Variants in HS3ST3B1 observed in about 807,000 individuals in gnomAD.
HS3ST3B1 encodes the protein heparan sulfate-glucosamine 3-sulfotransferase 3B1.
Under a neutral mutation model 21.3 loss-of-function variants are expected in HS3ST3B1, and 13 were observed. The ratio of observed to expected loss-of-function variants is 0.61; its 90% CI spans 0.40 to 0.97. The LOEUF (loss-of-function observed/expected upper bound fraction) is 0.97. HS3ST3B1 is among the 50% of genes least tolerant of loss of function. The pLI is 0.00. For synonymous variants in HS3ST3B1, 234 were observed against 254.8 expected (o/e 0.92, Z 0.78); for missense variants, 459 against 554.8 (o/e 0.83, Z 1.73).
At chr17:14,316,048 G>T (rs1555548476) in intron 1 of HS3ST3B1, among the ~76,000 whole-genome samples, 1 of 152,096 alleles carries the variant, frequency 6.6e-6, no homozygotes, top group Non-Finnish European at 1.5e-5. Context: ...GCCAGCTTGG[G>T]CCATATTCGC....
intron 1 of HS3ST3B1, among the ~76,000 whole-genome samples, chr17:14,311,772 T>C (rs1597588216): frequency 6.6e-6 from 1 of 152,156 alleles, no homozygotes; most frequent in African/African-American, 2.4e-5. Context: ...CTGTTTTAGT[T>C]GGTGGCTTGT....
At chr17:14,325,237 C>CT (rs1909772957) in intron 1 of HS3ST3B1, among the ~76,000 whole-genome samples, 1 of 152,144 alleles carries the variant, frequency 6.6e-6, no homozygotes, top group African/African-American at 2.4e-5. Flanking sequence ...TTAATCCAGC[C>CT]TTTTTGTTAA....
At position 14,301,590 on chromosome 17, in the gene HS3ST3B1, G is replaced by A. The variant is rs756823202; in HGVS notation, c.72G>A (p.Pro24=). The A allele has an allele frequency of 5.0e-6, 8 of 1,601,006 alleles. No individual in the cohort carries two copies. The East Asian group carries it at 1.6e-4, about 31-fold the overall frequency. ...VPGRLLPQPP[P]PPPPVRRKLA... is the part of the protein sequence containing the mutation. Reference sequence around the variant, plus strand: ...GCCGGCTCCTACCGCAGCCGCCGCCGCCCCCGCCGCCGGTGAGGAGGAAGC... The same window carrying A: ...GCCGGCTCCTACCGCAGCCGCCGCCACCCCCGCCGCCGGTGAGGAGGAAGC... Residue 24 remains proline (P), a synonymous_variant, in exon 1 of 2, where the codon CCG becomes CCA. Transcript: ENST00000360954.
intron 1 of HS3ST3B1, among the ~76,000 whole-genome samples, chr17:14,311,456 T>C (rs775868699): frequency 1.7e-4 from 26 of 152,146 alleles, no homozygotes; most frequent in Non-Finnish European, 3.2e-4. Flanking sequence ...TACCCATCAG[T>C]CCTACACATG....
chr17:14,301,983 G>A lies in HS3ST3B1; in HGVS notation c.465G>A (p.Glu155=), dbSNP rs763989146. ...AGGGCGGCACGCGGGCGCTGCTGGAGTTTCTGCGCGTGCACCCCGACGTGC... is the reference window on the plus strand; with the variant it reads ...AGGGCGGCACGCGGGCGCTGCTGGAATTTCTGCGCGTGCACCCCGACGTGC... ...VKKGGTRALL[E]FLRVHPDVRA... The change falls in exon 1 of 2, where the codon GAG becomes GAA. Residue 155 remains glutamate (E), a synonymous_variant. Coordinates refer to ENST00000360954, the MANE Select transcript of HS3ST3B1 (RefSeq NM_006041.3). 3.4e-5 allele frequency: 55 copies of A among 1,609,414 alleles called. No homozygotes were observed. Among genetic ancestry groups the A allele is most frequent in the Admixed American group, 2.5e-4 (15 of 59,590 alleles).
intron 1 of HS3ST3B1, among the ~76,000 whole-genome samples, chr17:14,335,624 G>A (rs1910163482): frequency 6.6e-6 from 1 of 151,962 alleles, no homozygotes; most frequent in African/African-American, 2.4e-5. Flanking sequence ...AACCGAGGAG[G>A]CGGAGGTTGC....
chr17:14,319,073 A>C (rs913663173), intron 1 of HS3ST3B1, among the ~76,000 whole-genome samples: 2 of 152,110 alleles, frequency 1.3e-5, no homozygotes, highest in African/African-American at 2.4e-5. Flanking sequence ...AGATGGATGG[A>C]TCGTAAGTCC....
chr17:14,318,313 G>A (rs1255823017), intron 1 of HS3ST3B1, among the ~76,000 whole-genome samples: 1 of 152,168 alleles, frequency 6.6e-6, no homozygotes, highest in Non-Finnish European at 1.5e-5. Flanking sequence ...ATTCTTCCGG[G>A]AGAGGCATGT....
In HS3ST3B1 at chr17:14,301,707, C is replaced by A. The variant is rs767943673; in HGVS notation, c.189C>A (p.Leu63=). The A allele has an allele frequency of 2.5e-6, 4 of 1,603,762 alleles. No individual in the cohort carries two copies. In the South Asian group the frequency reaches 4.4e-5, roughly 18 times the overall value. The change falls in exon 1 of 2, where the codon CTC becomes CTA. Residue 63 remains leucine (L), a synonymous_variant. Transcript: ENST00000360954. ...GSCAAAPGLL[L]LGSGSRAAHD... ...GCGCCGCCGCGCCGGGGCTGCTGCT[C>A]CTGGGCTCTGGGTCCCGCGCCGCAC...
chr17:14,345,453 A>G lies in HS3ST3B1; in HGVS notation c.980A>G (p.Tyr327Cys). ...LKRIITDKHF[Y>C]FNKTKGFPCL... The stretch of plus-strand genomic sequence containing the variant: ...AGGATCATCACGGACAAGCACTTCT[A>G]CTTCAACAAGACCAAGGGCTTCCCC... Residue 327 changes from tyrosine (Y) to cysteine (C), a missense_variant, in exon 2 of 2, where the codon TAC becomes TGC. By Grantham distance (194) the Tyr-to-Cys change is radical. This residue lies in a region of HS3ST3B1 where 127 missense variants were observed against 209.9 expected (regional missense o/e 0.60). Coordinates refer to ENST00000360954, the MANE Select transcript of HS3ST3B1 (RefSeq NM_006041.3). 7.0e-7 allele frequency: 1 copy of G among 1,428,992 alleles called. No individual in the cohort carries two copies. Among genetic ancestry groups the G allele is most frequent in the Non-Finnish European group, 9.8e-7 (1 of 1,024,418 alleles). The allele number at this position is 1,428,992 out of a possible 1,614,324, so 88.5% of individuals were successfully genotyped here. A position where few individuals can be genotyped will look rare whatever the true frequency, so the allele number is the denominator to read the frequency against.
intron 1 of HS3ST3B1, among the ~76,000 whole-genome samples, chr17:14,332,998 G>T (rs748054565): frequency 6.6e-6 from 1 of 151,976 alleles, no homozygotes; most frequent in Admixed American, 6.6e-5. Context: ...CCCAGGAAGA[G>T]CCCGCAGCTC....
rs141622910 is a variant in HS3ST3B1 at position 14,312,634 on chromosome 17, ATCTGTGCATTTG to A, written c.554+10563_554+10574del. ...CCATCCCTGTAGCCCTTGCCCCAAC[ATCTGTGCATTTG>A]ACTCCCCTTCTCTGACCGAGGCCTG... On this transcript the variant is annotated intron_variant, in intron 1 of 1. Coordinates refer to ENST00000360954, the MANE Select transcript of HS3ST3B1 (RefSeq NM_006041.3). Among the ~76,000 whole-genome samples the A allele has an allele frequency of 9.6e-3, 1,456 of 151,916 alleles. 37 individuals carry two copies. The highest frequency in any genetic ancestry group is 0.032 in the African/African-American group (1,345 of 41,392).
intron 1 of HS3ST3B1, among the ~76,000 whole-genome samples, chr17:14,325,789 C>T (rs1020690707): frequency 4.6e-5 from 7 of 152,188 alleles, no homozygotes; most frequent in South Asian, 2.1e-4. Context: ...GGCTCCCTGA[C>T]GCCTAACAAA....
At chr17:14,323,323 G>A (rs1909714857) in intron 1 of HS3ST3B1, among the ~76,000 whole-genome samples, 1 of 152,154 alleles carries the variant, frequency 6.6e-6, no homozygotes, top group Non-Finnish European at 1.5e-5. Context: ...TGGGGAATTT[G>A]CATACCTTTT....
chr17:14,349,088 A>ATCAAAG lies in HS3ST3B1; in HGVS notation c.*3442_*3443insTCAAAG, dbSNP rs1382589143. On this transcript the variant is annotated 3_prime_UTR_variant, in exon 2 of 2. Transcript: ENST00000360954. The stretch of plus-strand genomic sequence containing the variant: ...TATCTAAGATGCTGACACAGAAGCT[A>ATCAAAG]ATGTGACTTTTCAGCTTATCAAGAG... 29 of 152,348 alleles carry ATCAAAG rather than the reference A, an allele frequency of 1.9e-4. No individual in the cohort carries two copies. The East Asian group carries it at 5.2e-3, about 27-fold the overall frequency. The allele number at this position is 152,348 out of a possible 1,614,324, so 9.4% of individuals were successfully genotyped here.
rs898567543 is a variant in HS3ST3B1 at position 14,345,968 on chromosome 17, G to A, written c.*322G>A. 28 of 254,848 alleles carry A rather than the reference G, an allele frequency of 1.1e-4. No homozygotes were observed. The highest frequency in any genetic ancestry group is 5.9e-4 in the African/African-American group (26 of 43,918). 15.8% of individuals were successfully genotyped at this position (254,848 alleles called of 1,614,324 possible). A position where few individuals can be genotyped will look rare whatever the true frequency, so the allele number is the denominator to read the frequency against. The stretch of plus-strand genomic sequence containing the variant: ...TACGGGTATTCAGCCTTCAGTCACC[G>A]TCTGAGTTCTCCAGTTGCTGCCTCC... On this transcript the variant is annotated 3_prime_UTR_variant, in exon 2 of 2. Coordinates refer to ENST00000360954, the MANE Select transcript of HS3ST3B1 (RefSeq NM_006041.3).
chr17:14,301,325 G>T lies in HS3ST3B1; in HGVS notation c.-194G>T. Reference sequence around the variant, plus strand: ...CAGCTCCTGCCGGGCAACATGTCAAGAGCCGCCGCCGCTACAGCTGCCGCC... The same window carrying T: ...CAGCTCCTGCCGGGCAACATGTCAATAGCCGCCGCCGCTACAGCTGCCGCC... On this transcript the variant is annotated 5_prime_UTR_variant, in exon 1 of 2. Transcript: ENST00000360954. The T allele has an allele frequency of 2.0e-6, 1 of 507,356 alleles. No homozygotes were observed. Among genetic ancestry groups the T allele is most frequent in the Non-Finnish European group, 3.4e-6 (1 of 297,786 alleles). The allele number at this position is 507,356 out of a possible 1,614,324, so 31.4% of individuals were successfully genotyped here.
At position 14,301,846 on chromosome 17, in the gene HS3ST3B1, A is replaced by T. The variant is rs200811372; in HGVS notation, c.328A>T (p.Ser110Cys). ...SGKEMAEGAASPEEQSPEVPD... is the reference protein window; with the variant it reads ...SGKEMAEGAACPEEQSPEVPD... Reference sequence around the variant, plus strand: ...CAAGGAGATGGCCGAGGGCGCTGCGAGCCCGGAGGAGCAGAGTCCCGAGGT... The same window carrying T: ...CAAGGAGATGGCCGAGGGCGCTGCGTGCCCGGAGGAGCAGAGTCCCGAGGT... The change falls in exon 1 of 2, where the codon AGC (serine) becomes TGC (cysteine). Residue 110 changes from serine (S) to cysteine (C), a missense_variant. Physicochemically the swap from Ser to Cys is moderately radical, Grantham distance 112 (BLOSUM62 -1). Transcript: ENST00000360954. The T allele has an allele frequency of 6.0e-5, 95 of 1,591,254 alleles. No homozygotes were observed. The African/African-American group carries it at 1.2e-3, about 20-fold the overall frequency.
At chr17:14,309,993 T>C (rs759957482) in intron 1 of HS3ST3B1, among the ~76,000 whole-genome samples, 1 of 152,212 alleles carries the variant, frequency 6.6e-6, no homozygotes, top group Non-Finnish European at 1.5e-5. Flanking sequence ...TCCGCCCCCG[T>C]TTCTCTTTGG....
Sources: gnomAD v4.1 joint callset for allele counts (sites outside exome capture counted in the v4.1 genomes callset) on GRCh38, gnomAD v4.1.1 for gene constraint, gnomAD v4.1.1 regional missense constraint, MANE v1.5 for transcripts, NCBI Gene and HGNC (gene_info 2026-07-23, HGNC 2026-07-21) for gene names.